CERS3: variants seen among roughly 807,000 people sequenced by gnomAD.
CERS3 encodes ceramide synthase 3.
In CERS3, 33 loss-of-function variants were observed where a neutral mutation model predicts 50.3. The observed-to-expected ratio is 0.66, with a 90% CI of 0.50 to 0.88. The LOEUF (loss-of-function observed/expected upper bound fraction) is 0.88, where lower values mean the gene tolerates loss of function less well. CERS3 is among the 40% of genes least tolerant of loss of function. The pLI is 0.00. For missense variants in CERS3, 470 were observed against 460.3 expected (o/e 1.02, Z -0.19); for synonymous variants, 176 against 155.2 (o/e 1.13, Z -0.99).
chr15:100,502,070 T>C (rs1031040615), intron 2 of CERS3, among the ~76,000 whole-genome samples: 4 of 151,340 alleles, frequency 2.6e-5, no homozygotes, highest in Non-Finnish European at 5.9e-5. Context: ...CATGGTGAAA[T>C]CCCATCTCTA....
intron 2 of CERS3, among the ~76,000 whole-genome samples, chr15:100,509,036 C>T (rs2036263865): frequency 1.3e-5 from 2 of 152,200 alleles, no homozygotes; most frequent in Non-Finnish European, 1.5e-5. Flanking sequence ...ATCTCAGCCC[C>T]AGCTGTGTTT....
intron 11 of CERS3, among the ~76,000 whole-genome samples, chr15:100,423,362 T>A (rs2032589449): frequency 6.6e-6 from 1 of 152,164 alleles, no homozygotes; most frequent in Admixed American, 6.6e-5. Context: ...AAACATGGAA[T>A]CAACCTAGGT....
At chr15:100,474,079 G>A (rs1283299790) in intron 8 of CERS3, among the ~76,000 whole-genome samples, 1 of 152,156 alleles carries the variant, frequency 6.6e-6, no homozygotes, top group African/African-American at 2.4e-5. Flanking sequence ...ATCCAGAAGA[G>A]GCACATCTAT....
chr15:100,443,933 C>A (rs563423463), intron 11 of CERS3, among the ~76,000 whole-genome samples: 9 of 152,288 alleles, frequency 5.9e-5, no homozygotes, highest in Middle Eastern at 3.4e-3. Context: ...GATCCTAAAT[C>A]CTTTCCCCAC....
At chr15:100,489,802 C>G (rs572412345) in intron 4 of CERS3, among the ~76,000 whole-genome samples, 1 of 152,138 alleles carries the variant, frequency 6.6e-6, no homozygotes, top group African/African-American at 2.4e-5. Flanking sequence ...GTTACAAAAG[C>G]AGTCAAATAC....
intron 2 of CERS3, among the ~76,000 whole-genome samples, chr15:100,520,725 C>T (rs981698781): frequency 6.6e-6 from 1 of 151,978 alleles, no homozygotes; most frequent in African/African-American, 2.4e-5. Flanking sequence ...CAGAGTGTTG[C>T]CTTGGATGGG....
chr15:100,514,709 C>T (rs1004038396), intron 2 of CERS3, among the ~76,000 whole-genome samples: 8 of 152,010 alleles, frequency 5.3e-5, no homozygotes, highest in Non-Finnish European at 8.8e-5. Context: ...TTCAAAGTTA[C>T]ATCATACTAT....
intron 2 of CERS3, among the ~76,000 whole-genome samples, chr15:100,511,259 A>C (rs1431005424): frequency 6.6e-6 from 1 of 152,048 alleles, no homozygotes; most frequent in Non-Finnish European, 1.5e-5. Context: ...AATGCACTCC[A>C]GGCTGCGTGA....
chr15:100,450,773 C>G (rs950704062), intron 11 of CERS3, among the ~76,000 whole-genome samples: 1 of 151,964 alleles, frequency 6.6e-6, no homozygotes, highest in Non-Finnish European at 1.5e-5. Context: ...TGTTGGAAGT[C>G]AAAAACAAAG....
chr15:100,492,271 A>G (rs2035676600), intron 3 of CERS3, among the ~76,000 whole-genome samples: 1 of 152,200 alleles, frequency 6.6e-6, no homozygotes, highest in Non-Finnish European at 1.5e-5. Flanking sequence ...TCTTCTGCCT[A>G]GCTGTTCTAT....
chr15:100,467,842 T>TAGATAGATAGATAGATAGATAG (rs1374645090), intron 10 of CERS3, among the ~76,000 whole-genome samples: 1 of 40,100 alleles, frequency 2.5e-5, no homozygotes, highest in African/African-American at 6.4e-5. Context: ...TACGTGTATA[T>TAGATAGATAGATAGATAGATAG]ATATATATAT....
intron 10 of CERS3, among the ~76,000 whole-genome samples, chr15:100,467,850 T>TATATAGATAGATAGATAGATAGATAG (rs145899470): frequency 3.2e-5 from 3 of 93,136 alleles, no homozygotes; most frequent in East Asian, 2.8e-4. Flanking sequence ...TATATATATA[T>TATATAGATAGATAGATAGATAGATAG]ATAGATAGAT....
At chr15:100,479,932 C>T in intron 6 of CERS3, 57 bp downstream of exon 6, 1 of 1,329,348 alleles carries the variant, frequency 7.5e-7, no homozygotes, top group Non-Finnish European at 1.1e-6. Flanking sequence ...AATTCACAGA[C>T]AAGAATTTCA....
intron 11 of CERS3, among the ~76,000 whole-genome samples, chr15:100,410,068 C>T (rs2031360807): frequency 1.3e-5 from 2 of 152,186 alleles, no homozygotes; most frequent in African/African-American, 4.8e-5. Context: ...ACCTAGTATT[C>T]CACTGAACTT....
chr15:100,540,612 C>T (rs1292425856), intron 1 of CERS3, among the ~76,000 whole-genome samples: 2 of 152,194 alleles, frequency 1.3e-5, no homozygotes, highest in East Asian at 3.8e-4. Flanking sequence ...CACCATTAGC[C>T]CCATTTTATA....
intron 2 of CERS3, among the ~76,000 whole-genome samples, chr15:100,519,544 C>G (rs945162784): frequency 6.6e-6 from 1 of 152,130 alleles, no homozygotes; most frequent in Admixed American, 6.6e-5. Context: ...TAAAAATATA[C>G]CAAGAGACGC....
intron 11 of CERS3, among the ~76,000 whole-genome samples, chr15:100,406,338 T>G (rs778334061): frequency 1.3e-5 from 2 of 152,200 alleles, no homozygotes; most frequent in Non-Finnish European, 2.9e-5. Context: ...CATCCATAAC[T>G]GTACAACTTC....
chr15:100,533,837 C>T (rs1267759235), upstream of CERS3, among the ~76,000 whole-genome samples: 6 of 152,186 alleles, frequency 3.9e-5, no homozygotes, highest in African/African-American at 1.2e-4. Context: ...AGATTACAGG[C>T]GTGAGCCACC....
intron 2 of CERS3, among the ~76,000 whole-genome samples, chr15:100,516,147 G>T (rs1363693186): frequency 6.6e-6 from 1 of 152,286 alleles, no homozygotes; most frequent in Non-Finnish European, 1.5e-5. Context: ...CAAGGGTGCT[G>T]CACTGGCTTC....
Sources: allele counts gnomAD v4.1 joint callset (sites outside exome capture counted in the v4.1 genomes callset), GRCh38; gene constraint gnomAD v4.1.1; transcripts MANE v1.5; gene names NCBI Gene and HGNC (gene_info 2026-07-23, HGNC 2026-07-21).